The following ADK variants were observed in gnomAD, a reference collection of about 807,000 sequenced individuals.
ADK encodes the protein N6,N6-dimethyladenosine kinase.
Under a neutral mutation model 44.7 loss-of-function variants are expected in ADK, and 24 were observed. The ratio of observed to expected loss-of-function variants is 0.54; its 90% CI spans 0.39 to 0.76. ADK has a LOEUF of 0.76. Among genes scored for constraint, ADK ranks in the 30% least tolerant of loss-of-function variants. ADK has a pLI of 0.00. For synonymous variants in ADK, 128 were observed against 142.6 expected (o/e 0.90, Z 0.73); for missense variants, 321 against 425.1 (o/e 0.76, Z 2.15).
At chr10:74,320,568 TC>T (rs1840774080) in intron 4 of ADK, among the ~76,000 whole-genome samples, 1 of 152,154 alleles carries the variant, frequency 6.6e-6, no homozygotes, top group Admixed American at 6.5e-5. Flanking sequence ...AAAATTTTTT[TC>T]TTTTATTTTC....
chr10:74,407,177 A>T (rs189365077), intron 6 of ADK, among the ~76,000 whole-genome samples: 7 of 150,942 alleles, frequency 4.6e-5, no homozygotes, highest in African/African-American at 1.7e-4. Context: ...GCTGGTCTCA[A>T]ACTCCTGAAC....
At chr10:74,530,426 C>T (rs911803622) in intron 7 of ADK, 2 of 152,122 alleles carry the variant, frequency 1.3e-5, no homozygotes, top group African/African-American at 4.8e-5. Flanking sequence ...CTACATGTCA[C>T]CTTCCTCTTG....
At chr10:74,431,793 C>A (rs373395661) in intron 6 of ADK, among the ~76,000 whole-genome samples, 2 of 152,018 alleles carry the variant, frequency 1.3e-5, no homozygotes, top group African/African-American at 4.8e-5. Context: ...GCCTGGACAA[C>A]AGAGCAAGAC....
intron 5 of ADK, among the ~76,000 whole-genome samples, chr10:74,396,724 C>T (rs889015414): frequency 6.8e-5 from 9 of 131,518 alleles, no homozygotes; most frequent in Admixed American, 1.6e-4. Flanking sequence ...GAGGCCGAGG[C>T]GGGTGGATCA....
intron 1 of ADK, among the ~76,000 whole-genome samples, chr10:74,162,304 C>G (rs2132038637): frequency 6.6e-6 from 1 of 152,272 alleles, no homozygotes; most frequent in East Asian, 1.9e-4. Context: ...CAGGCGTGAG[C>G]CACTGGGCTC....
chr10:74,678,957 CA>C (rs1452065744), intron 10 of ADK, among the ~76,000 whole-genome samples: 2 of 152,194 alleles, frequency 1.3e-5, no homozygotes, highest in Non-Finnish European at 2.9e-5. Flanking sequence ...TAACCACTTT[CA>C]AAACCTAGTT....
chr10:74,330,325 T>C (rs1328954718), intron 4 of ADK, among the ~76,000 whole-genome samples: 1 of 152,100 alleles, frequency 6.6e-6, no homozygotes, highest in Non-Finnish European at 1.5e-5. Flanking sequence ...GATGGGAAGA[T>C]CACTTGAGGC....
intron 6 of ADK, among the ~76,000 whole-genome samples, chr10:74,409,543 A>G (rs1844089533): frequency 1.3e-5 from 2 of 152,040 alleles, no homozygotes; most frequent in Non-Finnish European, 2.9e-5. Context: ...TTTCTTTTTT[A>G]AATTATTTTT....
intron 1 of ADK, chr10:74,176,562 T>G (rs1842345291): frequency 7.4e-7 from 1 of 1,343,862 alleles, no homozygotes; most frequent in Non-Finnish European, 9.6e-7. Flanking sequence ...TTACTAGGAC[T>G]CAAGATGGCC....
intron 6 of ADK, among the ~76,000 whole-genome samples, chr10:74,498,867 C>T (rs1315432038): frequency 6.6e-6 from 1 of 152,160 alleles, no homozygotes; most frequent in Non-Finnish European, 1.5e-5. Context: ...CCATGGAATA[C>T]TATGCAGCCA....
intron 9 of ADK, among the ~76,000 whole-genome samples, chr10:74,668,979 G>T (rs1204559771): frequency 6.6e-6 from 1 of 151,534 alleles, no homozygotes; most frequent in Non-Finnish European, 1.5e-5. Flanking sequence ...GGAGGTCAAG[G>T]TTGGAGTGTG....
intron 7 of ADK, among the ~76,000 whole-genome samples, chr10:74,531,142 C>A (rs1056587867): frequency 6.6e-6 from 1 of 152,076 alleles, no homozygotes; most frequent in Non-Finnish European, 1.5e-5. Flanking sequence ...TTAAGGAAGA[C>A]CACAAAAAGA....
chr10:74,585,255 G>A (rs937119950), intron 7 of ADK, among the ~76,000 whole-genome samples: 6 of 152,158 alleles, frequency 3.9e-5, no homozygotes, highest in African/African-American at 1.4e-4. Context: ...TGGTATAGAT[G>A]AGAGTCTAAG....
At chr10:74,577,457 A>G (rs941582081) in intron 7 of ADK, among the ~76,000 whole-genome samples, 4 of 151,934 alleles carry the variant, frequency 2.6e-5, no homozygotes, top group Admixed American at 2.0e-4. Flanking sequence ...GCTTTATTAA[A>G]GATTTTTTTT....
rs943596003 is a variant in ADK at position 74,707,481 on chromosome 10, G to A, written c.965-840G>A. The stretch of plus-strand genomic sequence containing the variant: ...AGACCCTATCAACATATGCTTCCCT[G>A]GCTGGGTGTGGTGGCTCACGCCTGT... On this transcript the variant is annotated intron_variant, in intron 10 of 10. Transcript: ENST00000539909. Among the ~76,000 whole-genome samples, 5 of 152,054 alleles carry A rather than the reference G, an allele frequency of 3.3e-5. No homozygotes were observed. The East Asian group carries it at 9.7e-4, about 29-fold the overall frequency.
intron 1 of ADK, among the ~76,000 whole-genome samples, chr10:74,196,368 C>A (rs1378340452): frequency 6.6e-6 from 1 of 151,914 alleles, no homozygotes; most frequent in Non-Finnish European, 1.5e-5. Context: ...GGTAAAACCC[C>A]ATCTCTACTA....
At chr10:74,613,124 A>G (rs899045130) in intron 9 of ADK, among the ~76,000 whole-genome samples, 4 of 152,038 alleles carry the variant, frequency 2.6e-5, no homozygotes, top group Admixed American at 2.6e-4. Flanking sequence ...CTGCCTTCTT[A>G]AAAGCACCTT....
At chr10:74,685,950 G>GT (rs1041762907) in intron 10 of ADK, among the ~76,000 whole-genome samples, 5 of 151,904 alleles carry the variant, frequency 3.3e-5, no homozygotes, top group African/African-American at 9.7e-5. Context: ...AATATGTGGG[G>GT]TTTTTTGTTT....
intron 3 of ADK, among the ~76,000 whole-genome samples, chr10:74,300,362 T>TTCCTTCCTTCCTTCCTTCCTTCCTTC (rs1564641103): frequency 7.0e-5 from 4 of 57,528 alleles, no homozygotes; most frequent in Non-Finnish European, 1.4e-4. Context: ...TTCCTTCCTT[T>TTCCTTCCTTCCTTCCTTCCTTCCTTC]CTTTCTTTCT....
Sources: allele counts gnomAD v4.1 joint callset (sites outside exome capture counted in the v4.1 genomes callset), GRCh38; gene constraint gnomAD v4.1.1; transcripts MANE v1.5; gene names NCBI Gene and HGNC (gene_info 2026-07-23, HGNC 2026-07-21).